The following OTOG variants were observed in gnomAD, a reference collection of about 807,000 sequenced individuals.
OTOG encodes the protein otogelin.
In OTOG, 296 loss-of-function variants were observed where a neutral mutation model predicts 313.8. That is an observed-to-expected ratio of 0.94 (90% CI 0.86 to 1.04). The LOEUF (loss-of-function observed/expected upper bound fraction) is 1.04. Ranked by LOEUF, OTOG falls within the 50% of genes least tolerant of loss-of-function variation. OTOG has a pLI of 0.00. For missense variants in OTOG, 3,948 were observed against 3,840.1 expected (o/e 1.03, Z -0.74); for synonymous variants, 1,533 against 1,554.9 (o/e 0.99, Z 0.33).
chr11:17,609,191 T>A lies in OTOG; in HGVS notation c.4336T>A (p.Cys1446Ser). The change falls in exon 35 of 56, where the codon TGT (cysteine) becomes AGT (serine). Residue 1446 changes from cysteine to serine, a missense_variant. Transcript: ENST00000399397. ...GGTCCTGGATGAAGTCACACAGAGA[T>A]GTGTCTACTTGGAGGACTGTAAGTG... ...PQVLDEVTQRCVYLEDCVEPA... is the reference protein window; with the variant it reads ...PQVLDEVTQRSVYLEDCVEPA... 1.3e-6 allele frequency: 2 copies of A among 1,550,490 alleles called. No individual in the cohort carries two copies. The highest frequency in any genetic ancestry group is 1.7e-6 in the Non-Finnish European group (2 of 1,146,922).
chr11:17,601,293 G>C (rs958414072), intron 31 of OTOG, among the ~76,000 whole-genome samples: 1 of 152,162 alleles, frequency 6.6e-6, no homozygotes, highest in Non-Finnish European at 1.5e-5. Flanking sequence ...AGAGGGTGCA[G>C]GGAGAGCTTC....
rs1369227939 is a variant in OTOG at position 17,602,473 on chromosome 11, G to A, written c.3877+96G>A. The A allele has an allele frequency of 2.3e-5, 30 of 1,330,388 alleles. No homozygotes were observed. The South Asian group carries it at 2.5e-4, about 11-fold the overall frequency. 82.4% of individuals were successfully genotyped at this position (1,330,388 alleles called of 1,614,324 possible). A position where few individuals can be genotyped will look rare whatever the true frequency, so the allele number is the denominator to read the frequency against. On this transcript the variant is annotated intron_variant, in intron 32 of 55. Transcript: ENST00000399397. ...GAGGCCCTAAGTATCTGTAGTGGCC[G>A]GAGAAATAGGGGCTCCGACAAGTGC...
At chr11:17,593,566 T>C (rs1454057113) in intron 26 of OTOG, 44 bp from the exon 27 acceptor site, 7 of 1,542,090 alleles carry the variant, frequency 4.5e-6, no homozygotes, top group Middle Eastern at 2.3e-4. Flanking sequence ...ACCTGGGCGC[T>C]AGGGGGCACT....
chr11:17,596,949 T>C lies in OTOG; in HGVS notation c.3624T>C (p.Tyr1208=), dbSNP rs1853124367. 3.9e-6 allele frequency: 6 copies of C among 1,550,722 alleles called. No homozygotes were observed. The highest frequency in any genetic ancestry group is 5.2e-6 in the Non-Finnish European group (6 of 1,147,026). The change falls in exon 30 of 56, where the codon TAT becomes TAC. Residue 1208 remains tyrosine (Y), a synonymous_variant. Coordinates refer to ENST00000399397, the MANE Select transcript of OTOG (RefSeq NM_001292063.2). The part of the protein sequence containing the change: ...CECFCASVSA[Y]AHQCCQHGVA... ...GCTTCTGTGCCAGCGTCTCCGCTTA[T>C]GCCCACCAGTGTTGCCAGCATGGGG...
At chr11:17,562,494 G>A (rs903295704) in intron 15 of OTOG, among the ~76,000 whole-genome samples, 5 of 152,084 alleles carry the variant, frequency 3.3e-5, no homozygotes, top group South Asian at 2.1e-4. Flanking sequence ...ATCTTTATAC[G>A]GAACAATTTG....
chr11:17,574,308 G>A (rs1327226427), intron 19 of OTOG, among the ~76,000 whole-genome samples: 1 of 133,850 alleles, frequency 7.5e-6, no homozygotes, highest in African/African-American at 2.9e-5. Context: ...GGGAGTGAGG[G>A]GGTAGGAGTG....
chr11:17,595,590 C>T (rs1244330409), intron 28 of OTOG, among the ~76,000 whole-genome samples: 3 of 152,202 alleles, frequency 2.0e-5, no homozygotes, highest in Non-Finnish European at 4.4e-5. Context: ...GGAACTGCAT[C>T]CTCATCTGCT....
rs561196208 is a variant in OTOG, at chr11:17,593,611, G to C, written c.3143G>C (p.Ser1048Thr). Residue 1048 changes from serine to threonine, a missense_variant and splice_region_variant, in exon 27 of 56, where the codon AGT (serine) becomes ACT (threonine). By Grantham distance (58) the Ser-to-Thr change is moderately conservative. Coordinates refer to ENST00000399397, the MANE Select transcript of OTOG (RefSeq NM_001292063.2). ...GACTGACCATCTCTGTCCCTCTAGA[G>C]TCCAGAGAGCTTCCTGGATGACAAG... ...IVFDDDSGNP[S>T]PESFLDDKQE... 6.5e-7 allele frequency: 1 copy of C among 1,548,774 alleles called. No individual in the cohort carries two copies. Among genetic ancestry groups the C allele is most frequent in the Non-Finnish European group, 8.7e-7 (1 of 1,146,976 alleles).
intron 47 of OTOG, among the ~76,000 whole-genome samples, chr11:17,637,333 C>A (rs1854291498): frequency 1.3e-5 from 2 of 152,124 alleles, no homozygotes; most frequent in Non-Finnish European, 2.9e-5. Flanking sequence ...TTTGTCCAAT[C>A]CAGGATCCAG....
intron 6 of OTOG, 29 bp downstream of exon 6, chr11:17,553,548 G>T: frequency 7.1e-7 from 1 of 1,414,458 alleles, no homozygotes; most frequent in Admixed American, 3.2e-5. Flanking sequence ...TGCCTGTCCA[G>T]GAATGCTTCT....
intron 39 of OTOG, among the ~76,000 whole-genome samples, chr11:17,615,789 G>T (rs1365627494): frequency 1.3e-5 from 2 of 152,096 alleles, no homozygotes; most frequent in Admixed American, 1.3e-4. Flanking sequence ...TAAGCTGGGC[G>T]TGGTGGCACG....
intron 28 of OTOG, among the ~76,000 whole-genome samples, 191 bp from the exon 29 acceptor site, chr11:17,595,847 A>T (rs1853084211): frequency 6.6e-6 from 1 of 152,140 alleles, no homozygotes; most frequent in Admixed American, 6.5e-5. Context: ...CGTCCATCCC[A>T]TCACCTGGGC....
At chr11:17,632,337 C>T in intron 42 of OTOG, 111 bp downstream of exon 42, 1 of 1,117,466 alleles carries the variant, frequency 8.9e-7, no homozygotes, top group Non-Finnish European at 1.2e-6. Context: ...CAGCTTTAAT[C>T]ATTCATGGAT....
chr11:17,556,493 C>T (rs1339830523), intron 7 of OTOG, among the ~76,000 whole-genome samples: 2 of 152,210 alleles, frequency 1.3e-5, no homozygotes, highest in Admixed American at 6.5e-5. Flanking sequence ...TGTAATGACA[C>T]TTCTCCCTGT....
At chr11:17,604,391 G>A (rs1043876765) in intron 32 of OTOG, among the ~76,000 whole-genome samples, 1 of 152,174 alleles carries the variant, frequency 6.6e-6, no homozygotes, top group Non-Finnish European at 1.5e-5. Context: ...CCAGTGGAGC[G>A]GGCTGGGGCT....
At chr11:17,619,957 T>C (rs1853823159) in intron 39 of OTOG, among the ~76,000 whole-genome samples, 2 of 152,192 alleles carry the variant, frequency 1.3e-5, no homozygotes, top group Admixed American at 6.5e-5. Flanking sequence ...CTTTCAGCTT[T>C]TGTTTGTCAG....
chr11:17,549,733 C>G (rs751528876), intron 3 of OTOG, among the ~76,000 whole-genome samples: 1 of 152,124 alleles, frequency 6.6e-6, no homozygotes, highest in Non-Finnish European at 1.5e-5. Context: ...GTAGGCATCC[C>G]GCCTTTTCCT....
intron 14 of OTOG, 92 bp from the exon 15 acceptor site, chr11:17,561,570 A>G: frequency 7.5e-7 from 1 of 1,324,936 alleles, no homozygotes; most frequent in Non-Finnish European, 1.1e-6. Flanking sequence ...TCTGGAGGGC[A>G]GGGTGCTGTG....
At chr11:17,633,155 T>C (rs1276821218) in intron 42 of OTOG, among the ~76,000 whole-genome samples, 1 of 152,254 alleles carries the variant, frequency 6.6e-6, no homozygotes, top group African/African-American at 2.4e-5. Flanking sequence ...TTCCCCACAA[T>C]GATACCTCAA....
Sources: gnomAD v4.1 joint callset for allele counts (sites outside exome capture counted in the v4.1 genomes callset) on GRCh38, gnomAD v4.1.1 for gene constraint, MANE v1.5 for transcripts, NCBI Gene and HGNC (gene_info 2026-07-23, HGNC 2026-07-21) for gene names.